Variants in DNAH7 observed in about 807,000 individuals in gnomAD.
The protein encoded by DNAH7 is axonemal beta dynein heavy chain 7.
DNAH7 carries 397 observed loss-of-function variants against 444.6 expected under a neutral mutation model. The observed-to-expected ratio is 0.89, with a 90% confidence interval of 0.82 to 0.97. The LOEUF (loss-of-function observed/expected upper bound fraction) is 0.97, where lower values mean the gene tolerates loss of function less well. Ranked by LOEUF, DNAH7 falls within the 50% of genes least tolerant of loss-of-function variation. DNAH7 has a pLI of 0.00. For missense variants in DNAH7, 4,902 were observed against 4,800.8 expected (o/e 1.02, Z -0.62); for synonymous variants, 1,636 against 1,624.4 (o/e 1.01, Z -0.17).
intron 63 of DNAH7, among the ~76,000 whole-genome samples, chr2:195,752,958 G>A (rs1693873196): frequency 1.3e-5 from 2 of 152,200 alleles, no homozygotes; most frequent in African/African-American, 4.8e-5. Context: ...ATACTGGTGA[G>A]CGGAGATACA....
intron 35 of DNAH7, 119 bp from the exon 36 acceptor site, chr2:195,882,111 T>C: frequency 1.3e-6 from 1 of 777,630 alleles, no homozygotes; most frequent in South Asian, 1.9e-5. Flanking sequence ...ACATTTGTTT[T>C]ATCCTTTAAG....
chr2:196,004,583 T>A (rs1050790988), intron 10 of DNAH7, among the ~76,000 whole-genome samples: 12 of 152,192 alleles, frequency 7.9e-5, no homozygotes, highest in African/African-American at 2.9e-4. Flanking sequence ...AAACACCACA[T>A]AGCATAACTC....
chr2:195,854,525 A>T lies in DNAH7; in HGVS notation c.8596-997T>A, dbSNP rs547079408. On this transcript the variant is annotated intron_variant, in intron 45 of 64. Transcript: ENST00000312428. ...GTATTTGTGATACTTCCTAAATTTA[A>T]TTTTTTTCCCTTTTAATGTTCCCTC... Among the ~76,000 whole-genome samples, 54 of 152,162 alleles carry T rather than the reference A, an allele frequency of 3.5e-4. 2 individuals carry two copies. The South Asian group carries it at 0.011, about 32-fold the overall frequency.
chr2:195,984,808 A>G (rs1692799751), intron 14 of DNAH7, 98 bp from the exon 15 acceptor site: 2 of 1,114,744 alleles, frequency 1.8e-6, no homozygotes, highest in East Asian at 2.4e-5. Context: ...TGCATGAAAA[A>G]TAAAAACTAT....
intron 47 of DNAH7, 34 bp downstream of exon 47, chr2:195,844,968 T>A: frequency 6.3e-7 from 1 of 1,585,620 alleles, no homozygotes; most frequent in Non-Finnish European, 8.6e-7. Flanking sequence ...TGTTATTTAA[T>A]AAAGACCATT....
At chr2:196,027,885 G>T in intron 6 of DNAH7, 75 bp downstream of exon 6, 1 of 1,334,344 alleles carries the variant, frequency 7.5e-7, no homozygotes, top group Non-Finnish European at 1.1e-6. Context: ...GCACAGAGTG[G>T]TCTCCAAAGT....
chr2:195,903,601 T>C (rs1019393316), intron 27 of DNAH7: 2 of 152,194 alleles, frequency 1.3e-5, no homozygotes, highest in African/African-American at 4.8e-5. Context: ...TGCTTTATTA[T>C]GCAGATTTTG....
In DNAH7 at chr2:195,960,049, T is replaced by C. The variant is rs569453500; in HGVS notation, c.2891+211A>G. Among the ~76,000 whole-genome samples the C allele has an allele frequency of 5.8e-4, 88 of 152,270 alleles. 1 individual carries two copies. The South Asian group carries it at 0.018, about 31-fold the overall frequency. On this transcript the variant is annotated intron_variant, in intron 18 of 64. Transcript: ENST00000312428. The stretch of plus-strand genomic sequence containing the variant: ...AGGATGAGCAATCGTCCAATAGCAA[T>C]GAAGCCATTGATTATAATATCTTTA...
intron 9 of DNAH7, among the ~76,000 whole-genome samples, chr2:196,014,434 T>C (rs1694894596): frequency 6.6e-6 from 1 of 152,134 alleles, no homozygotes; most frequent in Admixed American, 6.6e-5. Context: ...GGACTGTCTC[T>C]GAACTCTTCC....
chr2:195,985,809 T>C (rs1448739519), intron 14 of DNAH7, among the ~76,000 whole-genome samples: 1 of 152,192 alleles, frequency 6.6e-6, no homozygotes, highest in South Asian at 2.1e-4. Flanking sequence ...ATTCTTCTAG[T>C]TCTTTTACAG....
chr2:195,890,966 T>G (rs546983954), intron 31 of DNAH7, among the ~76,000 whole-genome samples: 6 of 152,338 alleles, frequency 3.9e-5, no homozygotes, highest in African/African-American at 1.4e-4. Flanking sequence ...ACTACCAGCT[T>G]TAGCAAGCTG....
Position 196,048,285 on chromosome 2 carries a change from G to A in DNAH7, c.250+11C>T. The A allele has an allele frequency of 1.3e-6, 2 of 1,588,034 alleles. No homozygotes were observed. Among genetic ancestry groups the A allele is most frequent in the South Asian group, 1.1e-5 (1 of 89,080 alleles). On this transcript the variant is annotated intron_variant, in intron 4 of 64. Coordinates refer to ENST00000312428, the MANE Select transcript of DNAH7 (RefSeq NM_018897.3). ...ATCCTTAAATCTAATTTAGAATATT[G>A]AAGTTCTTACCATGGGACTGTTCAT...
intron 10 of DNAH7, among the ~76,000 whole-genome samples, chr2:196,003,967 G>A (rs1361956175): frequency 6.6e-6 from 1 of 152,106 alleles, no homozygotes. Context: ...GTCCACAGAT[G>A]GATTTTTAAC....
At chr2:195,756,851 G>T (rs951539661) in intron 61 of DNAH7, among the ~76,000 whole-genome samples, 1 of 152,074 alleles carries the variant, frequency 6.6e-6, no homozygotes, top group Non-Finnish European at 1.5e-5. Flanking sequence ...AATTCGCTGG[G>T]TGTGGTGGTG....
intron 24 of DNAH7, among the ~76,000 whole-genome samples, chr2:195,913,916 A>G (rs1687512196): frequency 6.6e-6 from 1 of 152,164 alleles, no homozygotes; most frequent in Admixed American, 6.5e-5. Context: ...GGGTTTCACC[A>G]TGTTGGCCAG....
At chr2:195,906,453 C>CTT (rs397870111) in intron 27 of DNAH7, among the ~76,000 whole-genome samples, 10,709 of 114,566 alleles carry the variant, frequency 0.093, 606 homozygotes, top group African/African-American at 0.14. Context: ...TTCTTTCTTT[C>CTT]TTTTTTTTTT....
At chr2:195,993,604 T>C (rs1338114666) in intron 12 of DNAH7, among the ~76,000 whole-genome samples, 1 of 152,156 alleles carries the variant, frequency 6.6e-6, no homozygotes, top group African/African-American at 2.4e-5. Flanking sequence ...ACAAGTATAT[T>C]TGAAAACAGG....
At chr2:195,860,968 TAG>T (rs1283925891) in intron 42 of DNAH7, among the ~76,000 whole-genome samples, 1 of 152,132 alleles carries the variant, frequency 6.6e-6, no homozygotes, top group African/African-American at 2.4e-5. Context: ...TTTAAAATAC[TAG>T]ACTTATAAAT....
intron 37 of DNAH7, among the ~76,000 whole-genome samples, chr2:195,876,289 G>A (rs1479663823): frequency 6.6e-6 from 1 of 152,098 alleles, no homozygotes; most frequent in Non-Finnish European, 1.5e-5. Flanking sequence ...AAATGTTAGT[G>A]AAAAAATTAG....
Sources: allele counts gnomAD v4.1 joint callset (sites outside exome capture counted in the v4.1 genomes callset), GRCh38; gene constraint gnomAD v4.1.1; transcripts MANE v1.5; gene names NCBI Gene and HGNC (gene_info 2026-07-23, HGNC 2026-07-21).